The following ZBTB25 variants were observed in gnomAD, a reference collection of about 807,000 sequenced individuals.
ZBTB25 encodes the protein zinc finger and BTB domain containing 25.
ZBTB25 carries 20 observed loss-of-function variants against 34.2 expected under a neutral mutation model. The ratio of observed to expected loss-of-function variants is 0.58; its 90% CI spans 0.41 to 0.85. The LOEUF (loss-of-function observed/expected upper bound fraction) is 0.85, where lower values mean the gene tolerates loss of function less well. Among genes scored for constraint, ZBTB25 ranks in the 40% least tolerant of loss-of-function variants. The pLI is 0.00. For synonymous variants in ZBTB25, 175 were observed against 186.4 expected (o/e 0.94, Z 0.50); for missense variants, 437 against 521.8 (o/e 0.84, Z 1.58).
rs183618000 is a variant in ZBTB25, at chr14:64,459,255, T to G, written c.174-9617A>C. Among the ~76,000 whole-genome samples the G allele has an allele frequency of 3.3e-5, 5 of 152,316 alleles. No homozygotes were observed. In the South Asian group the frequency reaches 1.0e-3, roughly 32 times the overall value. On this transcript the variant is annotated intron_variant, in intron 2 of 2. Transcript: ENST00000555220. ...CAAGAAAAAAGGAAGACGTGAGTTT[T>G]GGGAAACTGAACCCTCATTTGGACA...
intron 2 of ZBTB25, among the ~76,000 whole-genome samples, chr14:64,459,425 C>A (rs1338295694): frequency 6.6e-6 from 1 of 152,166 alleles, no homozygotes; most frequent in East Asian, 1.9e-4. Flanking sequence ...AACAAAAGCT[C>A]TTGCATTATT....
intron 2 of ZBTB25, among the ~76,000 whole-genome samples, 134 bp downstream of exon 2, chr14:64,490,208 CAAAAAAAAAAAAAAAAAAA>C (rs61367816): frequency 1.3e-3 from 117 of 90,952 alleles, no homozygotes; most frequent in African/African-American, 5.1e-3. Context: ...ACTCTGTCGC[CAAAAAAAAAAAAAAAAAAA>C]AAAAAAAAAA....
At chr14:64,451,580 G>C (rs180840922) in intron 2 of ZBTB25, among the ~76,000 whole-genome samples, 1 of 152,216 alleles carries the variant, frequency 6.6e-6, no homozygotes, top group Non-Finnish European at 1.5e-5. Flanking sequence ...CAAATGCAAA[G>C]CATTTATAGG....
intron 2 of ZBTB25, chr14:64,460,022 T>C (rs139387803): frequency 9.0e-7 from 1 of 1,107,742 alleles, no homozygotes; most frequent in African/African-American, 1.6e-5. Flanking sequence ...TGTTGCAATA[T>C]GAATTACAGC....
At chr14:64,467,309 TGAGG>T (rs1320261702) in intron 2 of ZBTB25, 2 of 152,212 alleles carry the variant, frequency 1.3e-5, no homozygotes, top group African/African-American at 2.4e-5. Context: ...AATATTGTGG[TGAGG>T]ATTAGAGATG....
At chr14:64,472,808 T>A (rs983919846) in intron 2 of ZBTB25, 64 of 167,124 alleles carry the variant, frequency 3.8e-4, no homozygotes, top group African/African-American at 1.4e-3. Flanking sequence ...TTAAGCAATT[T>A]GACCTTATAT....
intron 2 of ZBTB25, among the ~76,000 whole-genome samples, chr14:64,449,980 T>C (rs1256145): frequency 0.66 from 100,715 of 152,108 alleles, 34,197 homozygotes; most frequent in African/African-American, 0.82. Context: ...TTAGTAGAGA[T>C]GGGGTTTCAC....
intron 2 of ZBTB25, among the ~76,000 whole-genome samples, chr14:64,455,718 G>A (rs1479849901): frequency 3.3e-5 from 5 of 152,222 alleles, no homozygotes; most frequent in African/African-American, 9.7e-5. Context: ...AAAGTGGTAG[G>A]AGGTGGCATT....
In ZBTB25 at chr14:64,487,831, A is replaced by G; in HGVS notation, c.400T>C (p.Ser134Pro). 1.2e-6 allele frequency: 2 copies of G among 1,614,144 alleles called. No individual in the cohort carries two copies. Among genetic ancestry groups the G allele is most frequent in the Non-Finnish European group, 1.7e-6 (2 of 1,180,036 alleles). ...TTGACAACTGTTTTTTGGGTTGTTGAGATCTGAATGCCATATAAATTTGAG... is the reference window on the plus strand; with the variant it reads ...TTGACAACTGTTTTTTGGGTTGTTGGGATCTGAATGCCATATAAATTTGAG... The part of the protein sequence containing the change: ...QSSNLYGIQI[S>P]TTQKTVVKQG... Residue 134 changes from serine to proline, a missense_variant, in exon 3 of 3, where the codon TCA becomes CCA. Physicochemically the swap from Ser to Pro is moderately conservative, Grantham distance 74. Transcript: ENST00000608382.
chr14:64,457,048 G>A (rs767385517), intron 2 of ZBTB25, among the ~76,000 whole-genome samples: 1 of 152,156 alleles, frequency 6.6e-6, no homozygotes, highest in Non-Finnish European at 1.5e-5. Flanking sequence ...GAAAAGTAGT[G>A]AGTACAAATA....
In ZBTB25 at chr14:64,488,062, TAAAAAC is replaced by T. The variant is rs2078941782; in HGVS notation, c.174-11_174-6del. 6 of 1,607,518 alleles carry T rather than the reference TAAAAAC, an allele frequency of 3.7e-6. No homozygotes were observed. Among genetic ancestry groups the T allele is most frequent in the Non-Finnish European group, 5.1e-6 (6 of 1,175,764 alleles). The stretch of plus-strand genomic sequence containing the variant: ...GGTTGTATTTTTATGCATTCACTGT[TAAAAAC>T]AAAAACAGACCCACAAGAAATGAAA... On this transcript the variant is annotated splice_region_variant and splice_polypyrimidine_tract_variant and intron_variant, in intron 2 of 2. Transcript: ENST00000608382.
At chr14:64,499,351 GA>G (rs1390478147) in intron 1 of ZBTB25, 2 of 152,194 alleles carry the variant, frequency 1.3e-5, no homozygotes, top group African/African-American at 4.8e-5. Context: ...TGGATTACCT[GA>G]GGTCGGGAGT....
At chr14:64,453,881 G>A (rs2078420361) in intron 2 of ZBTB25, 3 of 1,487,600 alleles carry the variant, frequency 2.0e-6, no homozygotes, top group African/African-American at 2.8e-5. Flanking sequence ...TGGTTAGTTT[G>A]TCCTTTCAAC....
intron 1 of ZBTB25, chr14:64,503,455 T>C (rs2079566191): frequency 1.0e-6 from 1 of 985,460 alleles, no homozygotes; most frequent in Non-Finnish European, 1.2e-6. Flanking sequence ...AGGGTGGTTC[T>C]GGGTATTGTC....
rs779093309 is a variant in ZBTB25, at chr14:64,458,318, A to G, written c.174-8680T>C. The G allele has an allele frequency of 2.5e-6, 4 of 1,585,196 alleles. No homozygotes were observed. The South Asian group carries it at 4.4e-5, about 18-fold the overall frequency. ...GATTATTCTAAACAGGTAAGTTGTT[A>G]CTGGGTAATAATTTGGCTTTTTTCC... On this transcript the variant is annotated intron_variant, in intron 2 of 2. Transcript: ENST00000555220.
chr14:64,477,812 T>C (rs1035783571), downstream of ZBTB25, among the ~76,000 whole-genome samples: 2 of 152,194 alleles, frequency 1.3e-5, no homozygotes, highest in Non-Finnish European at 2.9e-5. Context: ...ATACACAAGA[T>C]CCCATTCCTC....
chr14:64,473,754 T>G (rs2078696467), downstream of ZBTB25: 2 of 167,018 alleles, frequency 1.2e-5, no homozygotes, highest in Admixed American at 1.3e-4. Flanking sequence ...CAGGATTTGA[T>G]TTTTCTGCCT....
At chr14:64,467,843 T>G (rs1443713090) in intron 2 of ZBTB25, 1 of 152,186 alleles carries the variant, frequency 6.6e-6, no homozygotes, top group East Asian at 1.9e-4. Flanking sequence ...TAACTTGCAC[T>G]TTAGAGTCAT....
At chr14:64,456,641 G>T (rs528667247) in intron 2 of ZBTB25, among the ~76,000 whole-genome samples, 1 of 152,032 alleles carries the variant, frequency 6.6e-6, no homozygotes, top group Non-Finnish European at 1.5e-5. Context: ...GTCATCTTCC[G>T]GTTTTTCTGC....
Sources: allele counts gnomAD v4.1 joint callset (sites outside exome capture counted in the v4.1 genomes callset), GRCh38; gene constraint gnomAD v4.1.1; transcripts MANE v1.5; gene names NCBI Gene and HGNC (gene_info 2026-07-23, HGNC 2026-07-21).